PSMD1: variants seen among roughly 807,000 people sequenced by gnomAD.
PSMD1 encodes 26S proteasome non-ATPase regulatory subunit 1.
In PSMD1, 18 loss-of-function variants were observed where a neutral mutation model predicts 119.0. That is an observed-to-expected ratio of 0.15 (90% CI 0.10 to 0.22). The LOEUF is 0.22. Among genes scored for constraint, PSMD1 ranks in the 10% least tolerant of loss-of-function variants. PSMD1 has a pLI of 1.00. For synonymous variants in PSMD1, 374 were observed against 396.6 expected, an observed-to-expected ratio of 0.94 and a Z score of 0.68; for missense variants, 702 against 1,158.5, an observed-to-expected ratio of 0.61 and a Z score of 5.72.
chr2:231,142,234 G>T (rs937992488), intron 17 of PSMD1, among the ~76,000 whole-genome samples: 2 of 152,118 alleles, frequency 1.3e-5, no homozygotes, highest in South Asian at 2.1e-4. Context: ...TTTGGGGGGA[G>T]AATTTCTTAC....
intron 1 of PSMD1, among the ~76,000 whole-genome samples, chr2:231,060,843 G>A (rs1041274574): frequency 2.6e-5 from 4 of 152,170 alleles, no homozygotes; most frequent in Admixed American, 6.5e-5. Context: ...TTCTAAAATT[G>A]TATAGGAAAG....
chr2:231,097,628 C>G (rs888880241), intron 16 of PSMD1, among the ~76,000 whole-genome samples: 2 of 152,078 alleles, frequency 1.3e-5, no homozygotes, highest in African/African-American at 4.8e-5. Context: ...GTAGTTTATA[C>G]AGTCTACATT....
intron 17 of PSMD1, among the ~76,000 whole-genome samples, chr2:231,141,524 G>A (rs1322666088): frequency 2.0e-5 from 3 of 148,902 alleles, no homozygotes; most frequent in African/African-American, 7.5e-5. Context: ...CAATCTCCCA[G>A]TCTTAAGCAA....
At chr2:231,091,878 C>G (rs1694604918) in intron 16 of PSMD1, among the ~76,000 whole-genome samples, 1 of 152,172 alleles carries the variant, frequency 6.6e-6, no homozygotes. Context: ...TACACTTATG[C>G]TCCCAGTCAC....
intron 4 of PSMD1, among the ~76,000 whole-genome samples, chr2:231,066,695 A>G (rs886995607): frequency 6.6e-6 from 1 of 152,178 alleles, no homozygotes; most frequent in Non-Finnish European, 1.5e-5. Context: ...AATGTTTTGA[A>G]TAATGTCAAC....
chr2:231,159,910 CGGTTCACAATAA>C (rs1559253885), intron 19 of PSMD1, among the ~76,000 whole-genome samples: 1 of 152,218 alleles, frequency 6.6e-6, no homozygotes, highest in Non-Finnish European at 1.5e-5. Flanking sequence ...CTCGCGTGCG[CGGTTCACAATAA>C]GGTTCACATT....
chr2:231,137,206 C>T (rs1695992932), intron 16 of PSMD1, among the ~76,000 whole-genome samples: 1 of 151,456 alleles, frequency 6.6e-6, no homozygotes, highest in Non-Finnish European at 1.5e-5. Flanking sequence ...CAACCTCTGC[C>T]TCCCGGGTTC....
intron 19 of PSMD1, among the ~76,000 whole-genome samples, chr2:231,154,743 A>G (rs1696449058): frequency 1.3e-5 from 2 of 152,238 alleles, no homozygotes; most frequent in African/African-American, 4.8e-5. Flanking sequence ...TGCTGGGATT[A>G]TAGCTGTGAA....
At chr2:231,082,690 A>G (rs1174322061) in intron 12 of PSMD1, among the ~76,000 whole-genome samples, 193 bp from the exon 13 acceptor site, 3 of 152,238 alleles carry the variant, frequency 2.0e-5, no homozygotes, top group Admixed American at 1.3e-4. Flanking sequence ...GGGCGACAAG[A>G]GCGAAACTAC....
intron 16 of PSMD1, among the ~76,000 whole-genome samples, chr2:231,129,884 C>T (rs1695814534): frequency 6.6e-6 from 1 of 152,176 alleles, no homozygotes; most frequent in Non-Finnish European, 1.5e-5. Flanking sequence ...GACGGAGTCT[C>T]ACTCTGTCAC....
At position 231,131,545 on chromosome 2, in the gene PSMD1, G is replaced by A. The variant is rs1695853298; in HGVS notation, c.1884-7191G>A. Among the ~76,000 whole-genome samples, 2 of 47,400 alleles carry A rather than the reference G, an allele frequency of 4.2e-5. 1 individual carries two copies. Among genetic ancestry groups the A allele is most frequent in the East Asian group, 2.1e-3 (2 of 950 alleles). The allele number at this position is 47,400 out of a possible 152,430, so 31.1% of individuals were successfully genotyped here. A position where few individuals can be genotyped will look rare whatever the true frequency, so the allele number is the denominator to read the frequency against. ...TGGGAGGCCGAGGCGGGCGGATCAC[G>A]AGGTCAGGAGATCGAGACCATCCCG... On this transcript the variant is annotated intron_variant, in intron 16 of 24. Coordinates refer to ENST00000308696, the MANE Select transcript of PSMD1 (RefSeq NM_002807.4).
At chr2:231,059,573 C>T (rs1693705336) in intron 1 of PSMD1, among the ~76,000 whole-genome samples, 1 of 152,120 alleles carries the variant, frequency 6.6e-6, no homozygotes, top group Non-Finnish European at 1.5e-5. Flanking sequence ...ATAATACAGA[C>T]ACATAAAGGA....
intron 16 of PSMD1, among the ~76,000 whole-genome samples, chr2:231,124,433 G>A (rs1695666714): frequency 6.6e-6 from 1 of 151,836 alleles, no homozygotes; most frequent in Admixed American, 6.6e-5. Flanking sequence ...TTTAGTATGC[G>A]CTGGCCACCC....
At chr2:231,127,234 TA>T (rs1288372796) in intron 16 of PSMD1, among the ~76,000 whole-genome samples, 1 of 141,814 alleles carries the variant, frequency 7.1e-6, no homozygotes, top group African/African-American at 2.6e-5. Context: ...AGCACTTTGA[TA>T]ATAGCAAATA....
At chr2:231,078,605 T>C in intron 9 of PSMD1, 54 bp from the exon 10 acceptor site, 1 of 1,339,456 alleles carries the variant, frequency 7.5e-7, no homozygotes, top group Non-Finnish European at 1.0e-6. Context: ...TGTGAGGGTG[T>C]GCATATATGA....
intron 16 of PSMD1, among the ~76,000 whole-genome samples, chr2:231,120,303 G>C (rs554443878): frequency 2.6e-5 from 4 of 152,272 alleles, no homozygotes; most frequent in Non-Finnish European, 5.9e-5. Flanking sequence ...ATTCAGAGAA[G>C]CTCTTAAATG....
In PSMD1 at chr2:231,149,771, G is replaced by T. The variant is rs538516989; in HGVS notation, c.2115+3415G>T. 1.2e-4 allele frequency among the ~76,000 whole-genome samples: 19 copies of T among 152,242 alleles called. No individual in the cohort carries two copies. In the East Asian group the frequency reaches 3.7e-3, roughly 29 times the overall value. ...ACTGTCATTTTAAGATAGGGACTTG[G>T]ACTCTTACAGTGTTAGTGGTAATAA... is the stretch of plus-strand genomic sequence containing the variant. On this transcript the variant is annotated intron_variant, in intron 18 of 24. Transcript: ENST00000308696.
intron 16 of PSMD1, among the ~76,000 whole-genome samples, chr2:231,127,274 C>CAAA (rs774471116): frequency 7.8e-5 from 9 of 115,716 alleles, no homozygotes; most frequent in South Asian, 5.4e-4. Flanking sequence ...ACAACAACAA[C>CAAA]AAAAAAAAAA....
At position 231,078,664 on chromosome 2, in the gene PSMD1, A is replaced by G; in HGVS notation, c.1077A>G (p.Ala359=). The G allele has an allele frequency of 6.2e-7, 1 of 1,603,138 alleles. No individual in the cohort carries two copies. Among genetic ancestry groups the G allele is most frequent in the Non-Finnish European group, 8.5e-7 (1 of 1,176,090 alleles). The part of the protein sequence containing the change: ...DLMILKNTKD[A]VRNSVCHTAT... ...TTCTGTATTTGTTGTTGCAGGATGC[A>G]GTACGGAATTCTGTATGTCATACTG... The change falls in exon 10 of 25, where the codon GCA becomes GCG. Residue 359 remains alanine, a synonymous_variant. Coordinates refer to ENST00000308696, the MANE Select transcript of PSMD1 (RefSeq NM_002807.4).
Sources: allele counts gnomAD v4.1 joint callset (sites outside exome capture counted in the v4.1 genomes callset), GRCh38; gene constraint gnomAD v4.1.1; transcripts MANE v1.5; gene names NCBI Gene and HGNC (gene_info 2026-07-23, HGNC 2026-07-21).